Variants in KCNN2 observed in about 807,000 individuals in gnomAD.
The protein encoded by KCNN2 is potassium calcium-activated channel subfamily N member 2.
Under a neutral mutation model 55.5 loss-of-function variants are expected in KCNN2, and 24 were observed. The observed-to-expected ratio is 0.43, with a 90% CI of 0.31 to 0.61. The LOEUF (loss-of-function observed/expected upper bound fraction) is 0.61, where lower values mean the gene tolerates loss of function less well. KCNN2 is among the 20% of genes least tolerant of loss of function. KCNN2 has a pLI of 0.08. For missense variants in KCNN2, 754 were observed against 853.6 expected, an observed-to-expected ratio of 0.88 and a Z score of 1.45; for synonymous variants, 431 against 336.1, an observed-to-expected ratio of 1.28 and a Z score of -3.09.
chr5:114,084,216 G>GTA (rs1387218530), intron 1 of KCNN2, among the ~76,000 whole-genome samples: 2 of 151,978 alleles, frequency 1.3e-5, no homozygotes, highest in Non-Finnish European at 1.5e-5. Flanking sequence ...TTACTGTATG[G>GTA]TATAGCATGA....
chr5:114,267,599 C>T (rs1755236010), intron 2 of KCNN2, among the ~76,000 whole-genome samples: 1 of 152,152 alleles, frequency 6.6e-6, no homozygotes, highest in South Asian at 2.1e-4. Flanking sequence ...TCTATAGTGG[C>T]ATTTCCCTTG....
intron 1 of KCNN2, among the ~76,000 whole-genome samples, chr5:114,140,411 T>C (rs970440929): frequency 6.6e-6 from 1 of 152,212 alleles, no homozygotes; most frequent in Non-Finnish European, 1.5e-5. Context: ...CTGTTTACCT[T>C]AGAAGGATAC....
At chr5:114,467,412 A>ATTTT (rs1441044836) in intron 4 of KCNN2, among the ~76,000 whole-genome samples, 3 of 152,202 alleles carry the variant, frequency 2.0e-5, no homozygotes, top group Non-Finnish European at 4.4e-5. Context: ...ACACTCAAGG[A>ATTTT]TTTTTAAAAA....
chr5:114,467,588 C>T (rs940284262), intron 4 of KCNN2, among the ~76,000 whole-genome samples: 1 of 152,068 alleles, frequency 6.6e-6, no homozygotes, highest in South Asian at 2.1e-4. Flanking sequence ...CTATTTTGTG[C>T]AGAGCAGCTG....
At chr5:114,182,156 C>G (rs1364071202) in intron 1 of KCNN2, among the ~76,000 whole-genome samples, 2 of 152,052 alleles carry the variant, frequency 1.3e-5, no homozygotes, top group African/African-American at 4.8e-5. Context: ...ATTGCAGAAA[C>G]TCAAATGACT....
At chr5:114,096,233 A>C (rs1270780892) in intron 1 of KCNN2, among the ~76,000 whole-genome samples, 1 of 152,118 alleles carries the variant, frequency 6.6e-6, no homozygotes, top group African/African-American at 2.4e-5. Context: ...GATTATTTTA[A>C]CGTTTCAGTG....
At chr5:114,205,939 ATAGT>A (rs1233600739) in intron 1 of KCNN2, among the ~76,000 whole-genome samples, 2 of 152,190 alleles carry the variant, frequency 1.3e-5, no homozygotes, top group Non-Finnish European at 2.9e-5. Context: ...TGAAAATAGG[ATAGT>A]TATTGTGCTA....
chr5:114,389,688 T>C (rs1758401498), intron 2 of KCNN2, among the ~76,000 whole-genome samples: 1 of 152,158 alleles, frequency 6.6e-6, no homozygotes, highest in Non-Finnish European at 1.5e-5. Context: ...ATGAAAAATA[T>C]CTAACTTGGA....
chr5:114,436,072 T>A (rs968310704), intron 3 of KCNN2, among the ~76,000 whole-genome samples: 6 of 152,214 alleles, frequency 3.9e-5, no homozygotes, highest in African/African-American at 4.8e-5. Flanking sequence ...AAGCTGCATT[T>A]CACACCTCTG....
intron 3 of KCNN2, among the ~76,000 whole-genome samples, chr5:114,422,172 AGGG>A: frequency 6.6e-6 from 1 of 152,200 alleles, no homozygotes. Context: ...TCTCAAATCA[AGGG>A]GGCTATTTTA....
In KCNN2 at chr5:114,220,257, A is replaced by G. The variant is rs573650894; in HGVS notation, c.-270-1223A>G. On this transcript the variant is annotated intron_variant, in intron 1 of 10. Coordinates refer to the KCNN2 transcript ENST00000512097. ...AACTTCTAATTAAAATGGTATTGCC[A>G]ATTGATATATTAATAAACACCTCCT... Among the ~76,000 whole-genome samples, 10 of 152,322 alleles carry G rather than the reference A, an allele frequency of 6.6e-5. No individual in the cohort carries two copies. The East Asian group carries it at 1.9e-3, about 29-fold the overall frequency.
intron 2 of KCNN2, among the ~76,000 whole-genome samples, chr5:114,235,140 TG>T (rs1754465719): frequency 6.6e-6 from 1 of 152,202 alleles, no homozygotes; most frequent in South Asian, 2.1e-4. Flanking sequence ...CTCTGTGGCC[TG>T]AGGAAATTGT....
intron 2 of KCNN2, among the ~76,000 whole-genome samples, chr5:114,312,430 CACACATAT>C (rs1756418942): frequency 1.8e-4 from 4 of 21,764 alleles, no homozygotes; most frequent in African/African-American, 4.3e-4. Flanking sequence ...CACACACACA[CACACATAT>C]ATATATATAT....
Position 114,362,396 on chromosome 5 carries a change from T to G in KCNN2, c.257T>G (p.Leu86Arg). Residue 86 changes from leucine to arginine, a missense_variant, in exon 1 of 8, where the codon CTG becomes CGG. By Grantham distance (102) the Leu-to-Arg change is moderately radical (BLOSUM62 -2). This residue lies in a region of KCNN2 where 381 missense variants were observed against 259.1 expected (regional missense o/e 1.47). Transcript: ENST00000673685. ...CCGGCGGCGGGGGCGGGAGATAACC[T>G]GTCCCTGCTGCTCCGCACCTCCTCG... is the stretch of plus-strand genomic sequence containing the variant. ...GAPAAGAGDN[L>R]SLLLRTSSPG... The G allele has an allele frequency of 4.2e-6, 1 of 237,116 alleles. No individual in the cohort carries two copies. The highest frequency in any genetic ancestry group is 8.1e-6 in the Non-Finnish European group (1 of 123,250). 14.7% of individuals were successfully genotyped at this position (237,116 alleles called of 1,614,324 possible).
At chr5:114,106,309 ACT>A (rs746847488) in intron 1 of KCNN2, among the ~76,000 whole-genome samples, 52 of 150,796 alleles carry the variant, frequency 3.4e-4, no homozygotes, top group Admixed American at 7.3e-4. Context: ...TGTAATAAAC[ACT>A]CTTGTATAAT....
At chr5:114,072,615 T>C (rs1366564550) in intron 1 of KCNN2, among the ~76,000 whole-genome samples, 1 of 152,198 alleles carries the variant, frequency 6.6e-6, no homozygotes, top group African/African-American at 2.4e-5. Context: ...ACCTAGTCTG[T>C]AGTATTCTGT....
In KCNN2 at chr5:114,323,794, A is replaced by C. The variant is rs376265626; in HGVS notation, c.-184-37151A>C. On this transcript the variant is annotated intron_variant, in intron 2 of 10. Transcript: ENST00000512097. ...CTCCCGAGTAGCTGGGACTACAGGCATGTGCCACCATGCCCAGCTAATTTT... is the reference window on the plus strand; with the variant it reads ...CTCCCGAGTAGCTGGGACTACAGGCCTGTGCCACCATGCCCAGCTAATTTT... Among the ~76,000 whole-genome samples, 70 of 151,758 alleles carry C rather than the reference A, an allele frequency of 4.6e-4. No homozygotes were observed. In the East Asian group the frequency reaches 0.011, roughly 24 times the overall value.
intron 2 of KCNN2, among the ~76,000 whole-genome samples, chr5:114,284,480 A>C (rs1755694520): frequency 6.6e-6 from 1 of 151,824 alleles, no homozygotes; most frequent in African/African-American, 2.4e-5. Flanking sequence ...TAACAAACTA[A>C]TCCAGATAGT....
intron 1 of KCNN2, among the ~76,000 whole-genome samples, chr5:114,221,147 G>A (rs1189385871): frequency 6.6e-6 from 1 of 152,196 alleles, no homozygotes; most frequent in Non-Finnish European, 1.5e-5. Context: ...CATGACTTGA[G>A]TGAGTGTCCC....
Sources: allele counts gnomAD v4.1 joint callset (sites outside exome capture counted in the v4.1 genomes callset), GRCh38; gene constraint gnomAD v4.1.1; regional missense constraint gnomAD v4.1.1; transcripts MANE v1.5; gene names NCBI Gene and HGNC (gene_info 2026-07-23, HGNC 2026-07-21).